The following ROBO2 variants were observed in gnomAD, a reference collection of about 807,000 sequenced individuals.
The protein encoded by ROBO2 is roundabout guidance receptor 2, also known as roundabout homolog 2.
ROBO2 carries 53 observed loss-of-function variants against 160.8 expected under a neutral mutation model. The ratio of observed to expected loss-of-function variants is 0.33; its 90% confidence interval spans 0.26 to 0.41. ROBO2 has a LOEUF of 0.41. ROBO2 is among the 10% of genes least tolerant of loss of function. The pLI is 1.00. For synonymous variants in ROBO2, 664 were observed against 611.7 expected, an observed-to-expected ratio of 1.09 and a Z score of -1.26; for missense variants, 1,577 against 1,722.4, an observed-to-expected ratio of 0.92 and a Z score of 1.49.
chr3:76,582,246 T>C (rs965970605), intron 2 of ROBO2, among the ~76,000 whole-genome samples: 2 of 152,192 alleles, frequency 1.3e-5, no homozygotes, highest in Admixed American at 6.5e-5. Flanking sequence ...CTCCATAAGA[T>C]TGACCCTTCA....
chr3:76,375,972 T>C (rs73118812), intron 2 of ROBO2, among the ~76,000 whole-genome samples: 3,326 of 152,144 alleles, frequency 0.022, 67 homozygotes, highest in Non-Finnish European at 0.031. Flanking sequence ...GTACTTGGAT[T>C]CTGTTACTTT....
chr3:77,350,084 TAC>T (rs946382289), intron 2 of ROBO2, among the ~76,000 whole-genome samples: 30 of 151,326 alleles, frequency 2.0e-4, no homozygotes, highest in Admixed American at 1.7e-3. Context: ...TATATATATG[TAC>T]ACACACACAT....
chr3:77,358,071 A>G (rs1021826218), intron 2 of ROBO2, among the ~76,000 whole-genome samples: 12 of 152,206 alleles, frequency 7.9e-5, no homozygotes, highest in Non-Finnish European at 1.8e-4. Context: ...GGGCTGTTGT[A>G]ACCAAATGCT....
At chr3:76,882,881 A>T (rs2073499107) in intron 2 of ROBO2, among the ~76,000 whole-genome samples, 1 of 152,338 alleles carries the variant, frequency 6.6e-6, no homozygotes, top group East Asian at 1.9e-4. Context: ...TTTGAAGGTG[A>T]ATAACTCTTA....
intron 2 of ROBO2, among the ~76,000 whole-genome samples, chr3:76,975,251 T>A (rs151155792): frequency 3.5e-4 from 53 of 152,278 alleles, no homozygotes; most frequent in African/African-American, 1.3e-3. Flanking sequence ...ACATCTGTAA[T>A]CCCAGCACTT....
intron 2 of ROBO2, among the ~76,000 whole-genome samples, chr3:76,925,945 G>A (rs1023563825): frequency 1.3e-5 from 2 of 152,196 alleles, no homozygotes; most frequent in Middle Eastern, 3.2e-3. Context: ...ATGAGTAAGT[G>A]GAATGATGAC....
intron 2 of ROBO2, among the ~76,000 whole-genome samples, chr3:76,987,755 C>T (rs771200881): frequency 5.9e-5 from 9 of 152,124 alleles, no homozygotes; most frequent in Middle Eastern, 3.2e-3. Context: ...CTGATTACCA[C>T]ACTAATTTGT....
At position 77,547,825 on chromosome 3, in the gene ROBO2, T is replaced by C. The variant is rs142370876; in HGVS notation, c.1059+1363T>C. ...CTTAACTCTCAAATCTTCTTTCTAA[T>C]TTAGTAATTACAAAACAGGTTTCTA... On this transcript the variant is annotated intron_variant, in intron 7 of 25. Coordinates refer to ENST00000461745, the Ensembl canonical transcript of ROBO2. 2.4e-4 allele frequency among the ~76,000 whole-genome samples: 36 copies of C among 152,184 alleles called. No individual in the cohort carries two copies. The East Asian group carries it at 7.0e-3, about 30-fold the overall frequency.
intron 2 of ROBO2, among the ~76,000 whole-genome samples, chr3:76,975,438 G>A (rs553545685): frequency 6.6e-6 from 1 of 152,308 alleles, no homozygotes; most frequent in African/African-American, 2.4e-5. Flanking sequence ...CCAGGAGGTG[G>A]AGGCTGCAGT....
intron 2 of ROBO2, among the ~76,000 whole-genome samples, chr3:76,560,006 A>C (rs1042465860): frequency 6.6e-6 from 1 of 152,130 alleles, no homozygotes; most frequent in African/African-American, 2.4e-5. Context: ...AATGCAATGC[A>C]GTCCATAGTT....
rs148768006 is a variant in ROBO2, at chr3:76,890,754, T to C, written c.110-207260T>C. 4.6e-3 allele frequency among the ~76,000 whole-genome samples: 701 copies of C among 152,324 alleles called. 5 individuals carry two copies. The highest frequency in any genetic ancestry group is 0.017 in the African/African-American group (687 of 41,578). ...GCTAGCATTTTTATTAAATATTTTG[T>C]GTTATCTTAGCAGACACTGTCTTTA... is the stretch of plus-strand genomic sequence containing the variant. On this transcript the variant is annotated intron_variant, in intron 2 of 26. Transcript: ENST00000487694.
intron 2 of ROBO2, among the ~76,000 whole-genome samples, chr3:77,130,342 T>C (rs1398682550): frequency 6.6e-6 from 1 of 152,184 alleles, no homozygotes; most frequent in East Asian, 1.9e-4. Flanking sequence ...TTACGACACA[T>C]TTTGAACTCG....
At chr3:77,131,759 G>A (rs993546518) in intron 2 of ROBO2, among the ~76,000 whole-genome samples, 2 of 152,052 alleles carry the variant, frequency 1.3e-5, no homozygotes, top group Non-Finnish European at 2.9e-5. Flanking sequence ...AATGAGTACA[G>A]CATAGTCTCC....
At chr3:76,924,926 C>T (rs558822308) in intron 2 of ROBO2, among the ~76,000 whole-genome samples, 25 of 152,232 alleles carry the variant, frequency 1.6e-4, no homozygotes, top group East Asian at 7.7e-4. Flanking sequence ...ATCTGGTTTG[C>T]GGCCGGGCGC....
At chr3:76,531,679 A>C (rs1450943210) in intron 2 of ROBO2, among the ~76,000 whole-genome samples, 1 of 148,420 alleles carries the variant, frequency 6.7e-6, no homozygotes, top group African/African-American at 2.5e-5. Flanking sequence ...TGGTAATTCA[A>C]CAGTAATCCA....
chr3:77,480,142 C>T (rs2084508092), intron 3 of ROBO2, among the ~76,000 whole-genome samples: 1 of 152,076 alleles, frequency 6.6e-6, no homozygotes, highest in Admixed American at 6.6e-5. Flanking sequence ...TAGAACATGA[C>T]AAGTTGTAAA....
chr3:77,513,448 T>C (rs534370073), intron 5 of ROBO2, among the ~76,000 whole-genome samples: 1 of 151,996 alleles, frequency 6.6e-6, no homozygotes, highest in South Asian at 2.1e-4. Flanking sequence ...AAAGCAGGTA[T>C]GTTTATGAGG....
intron 2 of ROBO2, among the ~76,000 whole-genome samples, chr3:77,398,395 C>T (rs1399758089): frequency 9.5e-6 from 1 of 105,726 alleles, no homozygotes; most frequent in East Asian, 3.1e-4. Flanking sequence ...TTGTTTTGTT[C>T]TTGAAACAAT....
intron 2 of ROBO2, among the ~76,000 whole-genome samples, chr3:77,382,137 T>A (rs2073558314): frequency 6.6e-6 from 1 of 152,198 alleles, no homozygotes; most frequent in Admixed American, 6.5e-5. Flanking sequence ...AACAAGCTTT[T>A]TAAAGCTGAG....
Sources: gnomAD v4.1 joint callset for allele counts (sites outside exome capture counted in the v4.1 genomes callset) on GRCh38, gnomAD v4.1.1 for gene constraint, MANE v1.5 for transcripts, NCBI Gene and HGNC (gene_info 2026-07-23, HGNC 2026-07-21) for gene names.